Variants in TNKS observed in about 807,000 individuals in gnomAD.
The protein encoded by TNKS is poly [ADP-ribose] polymerase tankyrase-1.
A neutral mutation model predicts 135.8 loss-of-function variants in TNKS; 72 were observed. That is an observed-to-expected ratio of 0.53 (90% confidence interval 0.44 to 0.64). TNKS has a LOEUF of 0.64. TNKS is among the 30% of genes least tolerant of loss of function. The pLI, the probability that TNKS is intolerant of heterozygous loss-of-function variation, is 0.00. For missense variants in TNKS, 1,769 were observed against 1,674.0 expected (o/e 1.06, Z -0.99); for synonymous variants, 849 against 649.3 (o/e 1.31, Z -4.68).
intron 25 of TNKS, among the ~76,000 whole-genome samples, chr8:9,766,850 C>T (rs112155341): frequency 3.6e-4 from 55 of 152,254 alleles, no homozygotes; most frequent in African/African-American, 1.2e-3. Context: ...CGGTAAATCC[C>T]GTTGGTTCTG....
At chr8:9,569,546 A>G (rs1797682860) in intron 1 of TNKS, among the ~76,000 whole-genome samples, 1 of 152,206 alleles carries the variant, frequency 6.6e-6, no homozygotes, top group East Asian at 1.9e-4. Context: ...GTATAATTCT[A>G]TTGTGGGAAT....
intron 3 of TNKS, among the ~76,000 whole-genome samples, chr8:9,678,088 C>A (rs1354118485): frequency 6.6e-6 from 1 of 152,164 alleles, no homozygotes; most frequent in Non-Finnish European, 1.5e-5. Flanking sequence ...TGTCTGTCTC[C>A]TTTAATAGAA....
intron 17 of TNKS, among the ~76,000 whole-genome samples, chr8:9,743,946 C>A (rs1355149313): frequency 6.6e-6 from 1 of 152,144 alleles, no homozygotes; most frequent in African/African-American, 2.4e-5. Flanking sequence ...TCTGAGGTAG[C>A]TGTGAAATTA....
At chr8:9,743,269 T>C (rs1035261327) in intron 17 of TNKS, among the ~76,000 whole-genome samples, 2 of 152,202 alleles carry the variant, frequency 1.3e-5, no homozygotes, top group African/African-American at 4.8e-5. Context: ...CCTAATATTA[T>C]CTCTTTCCCA....
intron 6 of TNKS, among the ~76,000 whole-genome samples, chr8:9,705,231 G>A (rs1380080986): frequency 2.0e-5 from 3 of 152,036 alleles, no homozygotes; most frequent in Non-Finnish European, 2.9e-5. Flanking sequence ...GGATATGGGT[G>A]GTAACTAAAA....
chr8:9,641,195 A>G (rs1468578628), intron 3 of TNKS, among the ~76,000 whole-genome samples: 2 of 145,316 alleles, frequency 1.4e-5, no homozygotes, highest in Non-Finnish European at 3.0e-5. Flanking sequence ...TTCCTTAAAG[A>G]TATTTCTTAA....
rs750732281 is a variant in TNKS at position 9,679,994 on chromosome 8, G to T, written c.1031+7G>T. The T allele has an allele frequency of 6.2e-7, 1 of 1,609,020 alleles. No homozygotes were observed. The highest frequency in any genetic ancestry group is 1.7e-5 in the Admixed American group (1 of 59,990). ...AACTCCTAGAAGCTGCTAGGTAAGTGATTCCATTCATTTTAAGTGTATATA... is the reference window on the plus strand; with the variant it reads ...AACTCCTAGAAGCTGCTAGGTAAGTTATTCCATTCATTTTAAGTGTATATA... On this transcript the variant is annotated splice_region_variant and intron_variant, in intron 4 of 26. Transcript: ENST00000310430.
At chr8:9,565,627 G>A (rs748593673) in intron 1 of TNKS, among the ~76,000 whole-genome samples, 11 of 152,060 alleles carry the variant, frequency 7.2e-5, no homozygotes, top group African/African-American at 9.7e-5. Flanking sequence ...TTGGGAGGGC[G>A]GATCACAAGG....
intron 3 of TNKS, among the ~76,000 whole-genome samples, chr8:9,675,901 G>A (rs76781926): frequency 5.3e-5 from 8 of 152,060 alleles, no homozygotes; most frequent in Non-Finnish European, 7.4e-5. Context: ...GAGGTGACAC[G>A]GAGAAAGGGT....
chr8:9,762,107 G>C (rs551354496), intron 21 of TNKS, among the ~76,000 whole-genome samples: 7 of 152,138 alleles, frequency 4.6e-5, no homozygotes, highest in Admixed American at 6.5e-5. Context: ...TTGCTAACAT[G>C]GTTTTTTACA....
chr8:9,741,909 C>T (rs935285917), intron 17 of TNKS: 3 of 230,300 alleles, frequency 1.3e-5, no homozygotes, highest in South Asian at 5.9e-5. Context: ...TCCCCTTCTC[C>T]TTTTCTAACT....
chr8:9,712,732 T>TA (rs1000674142), intron 11 of TNKS, among the ~76,000 whole-genome samples: 20 of 148,690 alleles, frequency 1.3e-4, no homozygotes, highest in African/African-American at 2.7e-4. Context: ...CTACAAATAA[T>TA]AAAAAAAAAT....
chr8:9,735,584 A>C, intron 17 of TNKS, 98 bp downstream of exon 17: 1 of 861,548 alleles, frequency 1.2e-6, no homozygotes, highest in Non-Finnish European at 1.9e-6. Context: ...GTAGATCACG[A>C]GGTCAGGAGG....
intron 11 of TNKS, among the ~76,000 whole-genome samples, chr8:9,719,167 A>G (rs765100080): frequency 5.3e-5 from 8 of 152,184 alleles, no homozygotes; most frequent in African/African-American, 7.2e-5. Flanking sequence ...ATATGTTACT[A>G]TTTCATGGGA....
intron 12 of TNKS, among the ~76,000 whole-genome samples, chr8:9,723,272 AC>A: frequency 1.3e-5 from 1 of 74,662 alleles, no homozygotes; most frequent in African/African-American, 3.8e-5. Flanking sequence ...CATTAGCTGA[AC>A]TTTTTAGTTA....
intron 5 of TNKS, 134 bp downstream of exon 5, chr8:9,680,934 T>C: frequency 1.7e-6 from 1 of 597,724 alleles, no homozygotes; most frequent in Admixed American, 2.7e-5. Context: ...AATGAAATGC[T>C]ACTATATCTG....
intron 14 of TNKS, 80 bp downstream of exon 14, chr8:9,731,115 T>A (rs1249702545): frequency 3.6e-6 from 5 of 1,379,546 alleles, no homozygotes. Context: ...GTCTTAGATT[T>A]TTTCTGTATT....
Position 9,716,384 on chromosome 8 carries a change from T to A in TNKS, c.1750-3990T>A, listed in dbSNP as rs181742511. ...TACAGTGTAAATAATATCTGAGGTTTGATCATACCAAAATAAAGTCCAAAG... is the reference window on the plus strand; with the variant it reads ...TACAGTGTAAATAATATCTGAGGTTAGATCATACCAAAATAAAGTCCAAAG... On this transcript the variant is annotated intron_variant, in intron 11 of 26. Transcript: ENST00000310430. 2.0e-3 allele frequency among the ~76,000 whole-genome samples: 310 copies of A among 152,272 alleles called. 1 individual carries two copies. The highest frequency in any genetic ancestry group is 6.9e-3 in the African/African-American group (285 of 41,574).
chr8:9,752,772 A>T, intron 20 of TNKS, 146 bp downstream of exon 20: 1 of 514,992 alleles, frequency 1.9e-6, no homozygotes, highest in Non-Finnish European at 3.3e-6. Context: ...CTGGGCAACA[A>T]AGCGAGACCC....
Sources: allele counts gnomAD v4.1 joint callset (sites outside exome capture counted in the v4.1 genomes callset), GRCh38; gene constraint gnomAD v4.1.1; transcripts MANE v1.5; gene names NCBI Gene and HGNC (gene_info 2026-07-23, HGNC 2026-07-21).